Variants in CRISP1 observed in about 807,000 individuals in gnomAD.
The protein encoded by CRISP1 is cysteine-rich secretory protein 1.
A neutral mutation model predicts 33.1 loss-of-function variants in CRISP1; 44 were observed. The ratio of observed to expected loss-of-function variants is 1.33; its 90% CI spans 1.05 to 1.71. The LOEUF (loss-of-function observed/expected upper bound fraction) is 1.71. Ranked by LOEUF, CRISP1 falls within the 40% of genes most tolerant of loss-of-function variation. CRISP1 has a pLI of 0.00. For missense variants in CRISP1, 390 were observed against 301.2 expected (o/e 1.29, Z -2.18); for synonymous variants, 103 against 98.7 (o/e 1.04, Z -0.26).
intron 4 of CRISP1, among the ~76,000 whole-genome samples, chr6:49,847,419 T>G (rs1397439180): frequency 3.9e-5 from 6 of 152,002 alleles, no homozygotes; most frequent in Non-Finnish European, 8.8e-5. Context: ...GGTGAGTGAG[T>G]TCTCATGAGA....
At chr6:49,859,749 A>G (rs920754931) in intron 1 of CRISP1, among the ~76,000 whole-genome samples, 1 of 152,180 alleles carries the variant, frequency 6.6e-6, no homozygotes, top group African/African-American at 2.4e-5. Context: ...GAAATCAACT[A>G]ACAAAATGAC....
intron 2 of CRISP1, among the ~76,000 whole-genome samples, chr6:49,855,301 A>G (rs1771464505): frequency 6.6e-6 from 1 of 152,162 alleles, no homozygotes; most frequent in Non-Finnish European, 1.5e-5. Context: ...ATTTTAAAAC[A>G]CAGACACAAT....
At chr6:49,861,431 A>G (rs1157095813) in intron 1 of CRISP1, among the ~76,000 whole-genome samples, 1 of 152,214 alleles carries the variant, frequency 6.6e-6, no homozygotes, top group Admixed American at 6.6e-5. Context: ...GCAGGGATGC[A>G]AGGATGGTTC....
At chr6:49,873,315 G>A (rs530023543) in intron 1 of CRISP1, among the ~76,000 whole-genome samples, 27 of 152,062 alleles carry the variant, frequency 1.8e-4, no homozygotes, top group African/African-American at 5.1e-4. Flanking sequence ...AAAGAAACTC[G>A]TGAGTAAAAT....
intron 2 of CRISP1, among the ~76,000 whole-genome samples, chr6:49,853,619 C>T (rs1771413665): frequency 6.6e-6 from 1 of 152,176 alleles, no homozygotes; most frequent in Non-Finnish European, 1.5e-5. Flanking sequence ...ATTGGAATTT[C>T]CTGTTCTTCC....
intron 7 of CRISP1, among the ~76,000 whole-genome samples, chr6:49,836,340 AT>A (rs556684394): frequency 0.1 from 14,676 of 142,952 alleles, 984 homozygotes; most frequent in Non-Finnish European, 0.15. Flanking sequence ...TTTTTATTTT[AT>A]TTTTTTTTTT....
At chr6:49,870,071 C>T (rs567724812), upstream of CRISP1, among the ~76,000 whole-genome samples, 1 of 152,258 alleles carries the variant, frequency 6.6e-6, no homozygotes, top group African/African-American at 2.4e-5. Flanking sequence ...GTTTTTTGTA[C>T]ATTACCCAGT....
At chr6:49,837,760 TAATC>T (rs1333574671) in intron 7 of CRISP1, among the ~76,000 whole-genome samples, 1 of 152,158 alleles carries the variant, frequency 6.6e-6, no homozygotes, top group Non-Finnish European at 1.5e-5. Flanking sequence ...TAATTTATCT[TAATC>T]AAGATTATTC....
chr6:49,849,764 C>T (rs1771292960), intron 3 of CRISP1, among the ~76,000 whole-genome samples: 1 of 151,972 alleles, frequency 6.6e-6, no homozygotes, highest in African/African-American at 2.4e-5. Context: ...ATCTTGTGGT[C>T]AATGTTTAGA....
Position 49,835,174 on chromosome 6 carries a change from A to G in CRISP1, c.*142T>C. 2 of 813,556 alleles carry G rather than the reference A, an allele frequency of 2.5e-6. No homozygotes were observed. The highest frequency in any genetic ancestry group is 5.3e-5 in the East Asian group (2 of 37,772). 50.4% of individuals were successfully genotyped at this position (813,556 alleles called of 1,614,324 possible). A position where few individuals can be genotyped will look rare whatever the true frequency, so the allele number is the denominator to read the frequency against. ...TTAAAACAGTGTTACTTCAGGATGT[A>G]TCAGGATGGGAGTTAAGGTCTCCAG... On this transcript the variant is annotated 3_prime_UTR_variant, in exon 8 of 8. Transcript: ENST00000335847.
intron 1 of CRISP1, among the ~76,000 whole-genome samples, chr6:49,860,534 G>T (rs1771619517): frequency 3.9e-5 from 6 of 152,108 alleles, no homozygotes; most frequent in Admixed American, 3.3e-4. Flanking sequence ...GGTCAAGGAA[G>T]AAATTAAGGA....
intron 2 of CRISP1, among the ~76,000 whole-genome samples, chr6:49,854,953 C>T (rs1440768098): frequency 1.3e-5 from 2 of 152,108 alleles, no homozygotes; most frequent in Admixed American, 6.5e-5. Context: ...AGTTGGGAAA[C>T]CCTACATTAG....
At chr6:49,849,535 TA>T (rs1443961330) in intron 3 of CRISP1, among the ~76,000 whole-genome samples, 9 of 152,190 alleles carry the variant, frequency 5.9e-5, no homozygotes, top group Non-Finnish European at 1.0e-4. Flanking sequence ...TGCAAGCAAC[TA>T]GACCTTGGCT....
chr6:49,838,626 C>T, intron 6 of CRISP1, 101 bp from the exon 7 acceptor site: 1 of 779,908 alleles, frequency 1.3e-6, no homozygotes, highest in Non-Finnish European at 2.1e-6. Context: ...ATTGTGTAAA[C>T]ATTCTTGTAA....
chr6:49,856,539 T>C (rs1440470510), intron 2 of CRISP1, among the ~76,000 whole-genome samples: 2 of 152,082 alleles, frequency 1.3e-5, no homozygotes, highest in Non-Finnish European at 2.9e-5. Context: ...AGGAACCAAA[T>C]ACCAAACCAA....
At chr6:49,862,468 G>A (rs1350955788) in intron 1 of CRISP1, among the ~76,000 whole-genome samples, 1 of 151,846 alleles carries the variant, frequency 6.6e-6, no homozygotes, top group Non-Finnish European at 1.5e-5. Context: ...TGTCAAAAGT[G>A]TGTGAAAAAA....
chr6:49,840,049 A>G (rs1770932616), intron 6 of CRISP1, among the ~76,000 whole-genome samples: 1 of 152,212 alleles, frequency 6.6e-6, no homozygotes, highest in African/African-American at 2.4e-5. Context: ...TTATGTGTTA[A>G]TCTAAGAAAT....
At chr6:49,836,882 G>A (rs1770814963) in intron 7 of CRISP1, among the ~76,000 whole-genome samples, 1 of 151,976 alleles carries the variant, frequency 6.6e-6, no homozygotes, top group South Asian at 2.1e-4. Flanking sequence ...TCAGTAATTT[G>A]CCAAAGTCAT....
intron 2 of CRISP1, among the ~76,000 whole-genome samples, chr6:49,853,039 G>GAA (rs986729948): frequency 2.6e-5 from 4 of 151,940 alleles, no homozygotes; most frequent in African/African-American, 9.7e-5. Context: ...ACAATATATA[G>GAA]AAGTATTCAC....
Sources: gnomAD v4.1 joint callset for allele counts (sites outside exome capture counted in the v4.1 genomes callset) on GRCh38, gnomAD v4.1.1 for gene constraint, MANE v1.5 for transcripts, NCBI Gene and HGNC (gene_info 2026-07-23, HGNC 2026-07-21) for gene names.